Variants in GRB10 observed in about 807,000 individuals in gnomAD.
The protein encoded by GRB10 is growth factor receptor-bound protein 10.
GRB10 carries 20 observed loss-of-function variants against 80.9 expected under a neutral mutation model. That is an observed-to-expected ratio of 0.25 (90% CI 0.17 to 0.36). GRB10 has a LOEUF of 0.36. Ranked by LOEUF, GRB10 falls within the 10% of genes least tolerant of loss-of-function variation. The pLI is 1.00. For synonymous variants in GRB10, 291 were observed against 291.5 expected, an observed-to-expected ratio of 1.00 and a Z score of 0.02; for missense variants, 548 against 747.7, an observed-to-expected ratio of 0.73 and a Z score of 3.12.
intron 5 of GRB10, among the ~76,000 whole-genome samples, chr7:50,690,599 T>C (rs2062701419): frequency 6.6e-6 from 1 of 152,152 alleles, no homozygotes; most frequent in Non-Finnish European, 1.5e-5. Flanking sequence ...TGCTCACCAC[T>C]GCATCCCCTG....
intron 5 of GRB10, among the ~76,000 whole-genome samples, chr7:50,685,948 A>G (rs2062057390): frequency 6.6e-6 from 1 of 152,118 alleles, no homozygotes; most frequent in Non-Finnish European, 1.5e-5. Context: ...GATGATCTAG[A>G]GCTGTAACCC....
At chr7:50,671,628 A>C (rs1447356498) in intron 6 of GRB10, among the ~76,000 whole-genome samples, 1 of 152,252 alleles carries the variant, frequency 6.6e-6, no homozygotes, top group South Asian at 2.1e-4. Flanking sequence ...AGCCTTGGCA[A>C]GGCGTCCAAC....
chr7:50,614,164 CAT>C (rs2050093125), intron 12 of GRB10, among the ~76,000 whole-genome samples: 2 of 152,270 alleles, frequency 1.3e-5, no homozygotes, highest in Admixed American at 6.5e-5. Context: ...TGTCTATGTA[CAT>C]GTGTGTATAA....
At chr7:50,701,664 G>A (rs191012331) in intron 5 of GRB10, among the ~76,000 whole-genome samples, 4 of 152,308 alleles carry the variant, frequency 2.6e-5, no homozygotes, top group Admixed American at 2.6e-4. Context: ...CTTTGCCTGA[G>A]AAAGCTTTAT....
At chr7:50,625,627 C>A (rs764379255) in intron 8 of GRB10, among the ~76,000 whole-genome samples, 13 of 152,160 alleles carry the variant, frequency 8.5e-5, no homozygotes, top group Admixed American at 2.0e-4. Context: ...GTGATCCTGG[C>A]AGGAGAAAGC....
rs74393572 is a variant in GRB10 at position 50,715,300 on chromosome 7, G to A, written c.52-11392C>T. 7.2e-5 allele frequency among the ~76,000 whole-genome samples: 11 copies of A among 151,748 alleles called. No individual in the cohort carries two copies. In the South Asian group the frequency reaches 8.4e-4, roughly 12 times the overall value. ...GGCTGGGCTGGCAGGGCAAGAGGAC[G>A]GCGGTTCATAGTGATGCTCCCCAGA... is the stretch of plus-strand genomic sequence containing the variant. On this transcript the variant is annotated intron_variant, in intron 4 of 18. Coordinates refer to ENST00000401949, the MANE Select transcript of GRB10 (RefSeq NM_001350814.2).
At chr7:50,753,113 G>A (rs1409433931) in intron 3 of GRB10, among the ~76,000 whole-genome samples, 1 of 152,184 alleles carries the variant, frequency 6.6e-6, no homozygotes, top group Non-Finnish European at 1.5e-5. Flanking sequence ...TAGTGCCATG[G>A]CCCGTCACTA....
intron 11 of GRB10, among the ~76,000 whole-genome samples, chr7:50,615,109 T>C (rs540471479): frequency 1.3e-3 from 201 of 152,276 alleles, no homozygotes; most frequent in Non-Finnish European, 1.9e-3. Flanking sequence ...CACAAGGCTG[T>C]TGGAACGTAT....
chr7:50,757,980 C>T (rs1307534766), intron 2 of GRB10, among the ~76,000 whole-genome samples: 3 of 152,096 alleles, frequency 2.0e-5, no homozygotes, highest in Admixed American at 1.3e-4. Flanking sequence ...GTGAAATATA[C>T]TTGTCCTGTC....
chr7:50,614,245 T>C (rs149588031), intron 12 of GRB10, among the ~76,000 whole-genome samples: 8 of 151,504 alleles, frequency 5.3e-5, no homozygotes, highest in African/African-American at 2.0e-4. Flanking sequence ...TCTATACATG[T>C]ATGTATGCAC....
chr7:50,633,702 A>T (rs11971490), intron 7 of GRB10, among the ~76,000 whole-genome samples: 2 of 38,112 alleles, frequency 5.2e-5, no homozygotes, highest in South Asian at 2.5e-3. Flanking sequence ...TATATTAAAA[A>T]CAAACAAAAC....
chr7:50,673,426 G>A (rs2060567552), intron 6 of GRB10, among the ~76,000 whole-genome samples: 1 of 152,032 alleles, frequency 6.6e-6, no homozygotes, highest in African/African-American at 2.4e-5. Context: ...CTTCACCTTC[G>A]ACATGACCAT....
At chr7:50,752,771 A>G (rs1384162656) in intron 3 of GRB10, among the ~76,000 whole-genome samples, 1 of 152,202 alleles carries the variant, frequency 6.6e-6, no homozygotes, top group African/African-American at 2.4e-5. Flanking sequence ...GCAAGGCAGA[A>G]GCTGCTGCAT....
chr7:50,667,352 G>A (rs542337492), intron 7 of GRB10, among the ~76,000 whole-genome samples: 15 of 152,136 alleles, frequency 9.9e-5, no homozygotes, highest in East Asian at 9.7e-4. Flanking sequence ...TTTATGTATC[G>A]GGTCCACTTT....
chr7:50,614,361 C>A (rs1188291660), intron 12 of GRB10, among the ~76,000 whole-genome samples: 2 of 152,172 alleles, frequency 1.3e-5, no homozygotes, highest in East Asian at 1.9e-4. Flanking sequence ...GTCTGACCAT[C>A]CCCACAGCCA....
At chr7:50,784,127 A>G (rs1244427261), upstream of GRB10, among the ~76,000 whole-genome samples, 1 of 152,220 alleles carries the variant, frequency 6.6e-6, no homozygotes. Context: ...ACTGCAAGAA[A>G]CATTGAAGGT....
Position 50,754,681 on chromosome 7 carries a change from T to C in GRB10, c.-47+1206A>G, listed in dbSNP as rs1489896883. Among the ~76,000 whole-genome samples, 3 of 152,206 alleles carry C rather than the reference T, an allele frequency of 2.0e-5. No homozygotes were observed. In the East Asian group the frequency reaches 5.8e-4, roughly 29 times the overall value. On this transcript the variant is annotated intron_variant, in intron 3 of 18. Coordinates refer to ENST00000401949, the MANE Select transcript of GRB10 (RefSeq NM_001350814.2). Reference sequence around the variant, plus strand: ...CATAAGGCAGACATTTGGGAAAAGATAGCCCAGAAACTTCCTACCAAGGGT... The same window carrying C: ...CATAAGGCAGACATTTGGGAAAAGACAGCCCAGAAACTTCCTACCAAGGGT...
chr7:50,700,399 T>C (rs576425462), intron 5 of GRB10, among the ~76,000 whole-genome samples: 9 of 152,308 alleles, frequency 5.9e-5, no homozygotes, highest in African/African-American at 2.2e-4. Flanking sequence ...TTACCATGAT[T>C]TTCTTGGGCA....
chr7:50,642,787 A>C (rs1294137119), intron 7 of GRB10, among the ~76,000 whole-genome samples: 1 of 152,236 alleles, frequency 6.6e-6, no homozygotes, highest in Non-Finnish European at 1.5e-5. Context: ...ACATACATAC[A>C]TTAGTTTTCT....
Sources: gnomAD v4.1 joint callset for allele counts (sites outside exome capture counted in the v4.1 genomes callset) on GRCh38, gnomAD v4.1.1 for gene constraint, MANE v1.5 for transcripts, NCBI Gene and HGNC (gene_info 2026-07-23, HGNC 2026-07-21) for gene names.